The following RIMS2 variants were observed in gnomAD, a reference collection of about 807,000 sequenced individuals.
RIMS2 encodes regulating synaptic membrane exocytosis protein 2.
Under a neutral mutation model 174.4 loss-of-function variants are expected in RIMS2, and 59 were observed. The observed-to-expected ratio is 0.34, with a 90% CI of 0.27 to 0.42. The LOEUF is 0.42. Ranked by LOEUF, RIMS2 falls within the 10% of genes least tolerant of loss-of-function variation. RIMS2 has a pLI of 1.00. For missense variants in RIMS2, 1,620 were observed against 1,666.3 expected (o/e 0.97, Z 0.48); for synonymous variants, 606 against 572.5 (o/e 1.06, Z -0.84).
rs144393704 is a variant in RIMS2 at position 103,669,153 on chromosome 8, G to A, written c.177-27933G>A. ...GGAGGCAAAAGGCACATCTTACATG[G>A]TGGCAGGCAAAGAGAGAATGAGAGC... On this transcript the variant is annotated intron_variant, in intron 1 of 23. Transcript: ENST00000504942. Among the ~76,000 whole-genome samples, 934 of 152,242 alleles carry A rather than the reference G, an allele frequency of 6.1e-3. 11 individuals are homozygous for A. Among genetic ancestry groups the A allele is most frequent in the African/African-American group, 0.021 (884 of 41,526 alleles).
chr8:103,529,310 T>C lies in RIMS2; in HGVS notation c.176+28248T>C, dbSNP rs564462154. ...ATTTTGGGTTGCTTTGTCTACCTACTCAAGCCTCAGCAATGGCGGGTGCCC... is the reference window on the plus strand; with the variant it reads ...ATTTTGGGTTGCTTTGTCTACCTACCCAAGCCTCAGCAATGGCGGGTGCCC... On this transcript the variant is annotated intron_variant, in intron 1 of 23. Transcript: ENST00000504942. 5.3e-5 allele frequency among the ~76,000 whole-genome samples: 8 copies of C among 152,350 alleles called. No homozygotes were observed. In the South Asian group the frequency reaches 1.7e-3, roughly 32 times the overall value.
intron 19 of RIMS2, among the ~76,000 whole-genome samples, chr8:104,096,372 AT>A (rs2097763137): frequency 6.6e-6 from 1 of 152,026 alleles, no homozygotes; most frequent in Admixed American, 6.6e-5. Context: ...TTGCTTCATT[AT>A]TTTTTCAAAA....
At chr8:104,013,724 A>C (rs1323667736) in intron 18 of RIMS2, 103 bp downstream of exon 20, 1 of 878,762 alleles carries the variant, frequency 1.1e-6, no homozygotes, top group Non-Finnish European at 1.8e-6. Flanking sequence ...TTGGCTGATC[A>C]CTAGTAACAA....
chr8:103,708,781 G>A (rs770631359), intron 2 of RIMS2, among the ~76,000 whole-genome samples: 19 of 151,896 alleles, frequency 1.3e-4, no homozygotes, highest in Non-Finnish European at 2.4e-4. Context: ...TTGTTTTTTT[G>A]GTGTATTTTT....
At chr8:103,960,979 T>C (rs1425461087) in intron 14 of RIMS2, 86 bp from the exon 17 acceptor site, 2 of 767,136 alleles carry the variant, frequency 2.6e-6, no homozygotes, top group African/African-American at 3.5e-5. Context: ...TCACTCAGAA[T>C]ATTTTCGTTT....
At chr8:103,660,818 C>T (rs1489628781) in intron 1 of RIMS2, among the ~76,000 whole-genome samples, 1 of 152,040 alleles carries the variant, frequency 6.6e-6, no homozygotes, top group African/African-American at 2.4e-5. Flanking sequence ...TGATAGGTTG[C>T]TCAGAAAAGG....
At chr8:103,718,836 T>C (rs2097407285) in intron 2 of RIMS2, among the ~76,000 whole-genome samples, 1 of 151,934 alleles carries the variant, frequency 6.6e-6, no homozygotes, top group African/African-American at 2.4e-5. Context: ...CCTGGGTACA[T>C]TTTTGTGTGT....
intron 19 of RIMS2, among the ~76,000 whole-genome samples, chr8:104,053,069 T>C (rs2096813618): frequency 6.6e-6 from 1 of 152,174 alleles, no homozygotes; most frequent in South Asian, 2.1e-4. Flanking sequence ...GATCAGTTGA[T>C]TTGGCAAATA....
intron 3 of RIMS2, among the ~76,000 whole-genome samples, chr8:103,794,093 A>C (rs369760135): frequency 1.3e-5 from 2 of 152,192 alleles, no homozygotes; most frequent in African/African-American, 4.8e-5. Context: ...GTTAAACTTC[A>C]TATGGAACCA....
At chr8:104,221,659 A>G (rs1379352704) in intron 19 of RIMS2, among the ~76,000 whole-genome samples, 2 of 152,120 alleles carry the variant, frequency 1.3e-5, no homozygotes, top group Non-Finnish European at 2.9e-5. Flanking sequence ...TCTATCAGGA[A>G]AACAAAAGCA....
intron 17 of RIMS2, among the ~76,000 whole-genome samples, chr8:104,012,559 T>C (rs1565840984): frequency 6.6e-6 from 1 of 152,068 alleles, no homozygotes; most frequent in Non-Finnish European, 1.5e-5. Context: ...CTTTGACATA[T>C]GTTTTACTTT....
chr8:103,640,025 T>C (rs1240267889), intron 1 of RIMS2, among the ~76,000 whole-genome samples: 2 of 151,896 alleles, frequency 1.3e-5, no homozygotes, highest in African/African-American at 2.4e-5. Flanking sequence ...CGTCAGAGTT[T>C]TGTAGTTTTC....
intron 3 of RIMS2, among the ~76,000 whole-genome samples, chr8:103,813,871 A>G (rs934296803): frequency 6.6e-6 from 1 of 152,180 alleles, no homozygotes; most frequent in Non-Finnish European, 1.5e-5. Context: ...ATATGTGTGC[A>G]TGTGTCTTTA....
At chr8:103,550,379 G>A (rs1847185551) in intron 1 of RIMS2, among the ~76,000 whole-genome samples, 1 of 152,138 alleles carries the variant, frequency 6.6e-6, no homozygotes, top group African/African-American at 2.4e-5. Context: ...TGAAATGAAG[G>A]CAGAAATAAA....
At chr8:103,519,862 A>T (rs946989852) in intron 1 of RIMS2, among the ~76,000 whole-genome samples, 5 of 151,032 alleles carry the variant, frequency 3.3e-5, no homozygotes, top group Non-Finnish European at 7.4e-5. Flanking sequence ...GAAACCCTGT[A>T]TTCATCTGGT....
intron 2 of RIMS2, among the ~76,000 whole-genome samples, chr8:103,711,991 T>C (rs976917500): frequency 6.6e-6 from 1 of 151,718 alleles, no homozygotes; most frequent in African/African-American, 2.4e-5. Context: ...TTTATTTTAG[T>C]TTTCAATTTT....
At chr8:103,634,143 G>A (rs963918593) in intron 1 of RIMS2, among the ~76,000 whole-genome samples, 1 of 152,106 alleles carries the variant, frequency 6.6e-6, no homozygotes, top group African/African-American at 2.4e-5. Flanking sequence ...TCTTACTTTT[G>A]ATGTAGGTTT....
chr8:104,220,905 G>A (rs2099151909), intron 19 of RIMS2, among the ~76,000 whole-genome samples: 1 of 152,074 alleles, frequency 6.6e-6, no homozygotes, highest in Admixed American at 6.5e-5. Flanking sequence ...CCTGAGCTCA[G>A]CTTGCCAATT....
chr8:103,925,689 A>T (rs1277250919), intron 10 of RIMS2, among the ~76,000 whole-genome samples: 2 of 151,604 alleles, frequency 1.3e-5, no homozygotes, highest in African/African-American at 4.8e-5. Flanking sequence ...GACACATAGT[A>T]GTTTGCCATC....
Sources: gnomAD v4.1 joint callset for allele counts (sites outside exome capture counted in the v4.1 genomes callset) on GRCh38, gnomAD v4.1.1 for gene constraint, MANE v1.5 for transcripts, NCBI Gene and HGNC (gene_info 2026-07-23, HGNC 2026-07-21) for gene names.